The following FAM193A variants were observed in gnomAD, a reference collection of about 807,000 sequenced individuals.
FAM193A encodes the protein protein FAM193A.
FAM193A carries 22 observed loss-of-function variants against 126.5 expected under a neutral mutation model. The ratio of observed to expected loss-of-function variants is 0.17; its 90% CI spans 0.12 to 0.25. The LOEUF (loss-of-function observed/expected upper bound fraction) is 0.25. Among genes scored for constraint, FAM193A ranks in the 10% least tolerant of loss-of-function variants. The pLI is 1.00. For synonymous variants in FAM193A, 761 were observed against 646.8 expected (o/e 1.18, Z -2.68); for missense variants, 1,675 against 1,672.8 (o/e 1.00, Z -0.02).
intron 1 of FAM193A, among the ~76,000 whole-genome samples, chr4:2,578,444 T>G (rs1534455): frequency 0.67 from 101,735 of 151,442 alleles, 35,515 homozygotes; most frequent in African/African-American, 0.86. Context: ...GCAACCTTCT[T>G]GGTAGGTTTT....
At chr4:2,549,920 G>A (rs1163118309) in intron 1 of FAM193A, among the ~76,000 whole-genome samples, 3 of 150,058 alleles carry the variant, frequency 2.0e-5, no homozygotes, top group Admixed American at 6.7e-5. Flanking sequence ...GTAAAGATGG[G>A]ATTTCACCAT....
At chr4:2,546,738 A>G (rs1236359306) in intron 1 of FAM193A, among the ~76,000 whole-genome samples, 4 of 152,162 alleles carry the variant, frequency 2.6e-5, no homozygotes, top group South Asian at 2.1e-4. Flanking sequence ...ACATGTCTAT[A>G]CAGGATTTTT....
chr4:2,636,256 G>C (rs1744079097), intron 5 of FAM193A, among the ~76,000 whole-genome samples: 1 of 151,854 alleles, frequency 6.6e-6, no homozygotes, highest in African/African-American at 2.4e-5. Context: ...GTAGAGTCGG[G>C]GTTTCACTGT....
At position 2,594,820 on chromosome 4, in the gene FAM193A, C is replaced by CTTTTTTTTTTTTT. The variant is rs386399069; in HGVS notation, c.256-1250_256-1238dup. 1.3e-4 allele frequency among the ~76,000 whole-genome samples: 8 copies of CTTTTTTTTTTTTT among 62,230 alleles called. 2 individuals carry two copies. Among genetic ancestry groups the CTTTTTTTTTTTTT allele is most frequent in the African/African-American group, 5.5e-4 (7 of 12,708 alleles). The allele number at this position is 62,230 out of a possible 152,430, so 40.8% of individuals were successfully genotyped here. A position where few individuals can be genotyped will look rare whatever the true frequency, so the allele number is the denominator to read the frequency against. On this transcript the variant is annotated intron_variant, in intron 1 of 20. Transcript: ENST00000637812. ...GTTTCTTTCTTTTTCTTTTCTTTTC[C>CTTTTTTTTTTTTT]TTTTTTTTTTTTTTTTTTTTTTTTT...
At chr4:2,704,822 G>A (rs531147032) in intron 19 of FAM193A, among the ~76,000 whole-genome samples, 1 of 152,102 alleles carries the variant, frequency 6.6e-6, no homozygotes, top group South Asian at 2.1e-4. Context: ...TATTATTAAG[G>A]GCTATTTCTT....
rs138772110 is a variant in FAM193A, at chr4:2,724,469, G to A, written c.4455-7306G>A. Among the ~76,000 whole-genome samples the A allele has an allele frequency of 2.9e-3, 446 of 152,166 alleles. 4 individuals carry two copies. Among genetic ancestry groups the A allele is most frequent in the Non-Finnish European group, 5.4e-3 (367 of 68,008 alleles). The stretch of plus-strand genomic sequence containing the variant: ...CTGTTTTCCTGCTTATCTCTACTTT[G>A]AGTTACCATGTTAGTCAGAATTTTA... On this transcript the variant is annotated intron_variant, in intron 20 of 20. Transcript: ENST00000637812.
intron 20 of FAM193A, among the ~76,000 whole-genome samples, chr4:2,722,306 A>AG (rs1361303343): frequency 1.3e-5 from 2 of 152,072 alleles, no homozygotes; most frequent in African/African-American, 4.8e-5. Flanking sequence ...TGGTGTGGGG[A>AG]GGGACAAAGC....
At chr4:2,692,360 A>G (rs1302664082) in intron 15 of FAM193A, among the ~76,000 whole-genome samples, 2 of 152,200 alleles carry the variant, frequency 1.3e-5, no homozygotes, top group African/African-American at 4.8e-5. Context: ...AGTTGTTTCC[A>G]CTGGGTCCCT....
chr4:2,546,644 A>G lies in FAM193A; in HGVS notation c.255+9474A>G, dbSNP rs1737571540. On this transcript the variant is annotated intron_variant, in intron 1 of 20. Transcript: ENST00000637812. Reference sequence around the variant, plus strand: ...TGCTGTGTAGTATTCTGTTGTATAAATGTACCACAGTTTGTCCATTTTTCC... The same window carrying G: ...TGCTGTGTAGTATTCTGTTGTATAAGTGTACCACAGTTTGTCCATTTTTCC... Among the ~76,000 whole-genome samples the G allele has an allele frequency of 2.0e-5, 3 of 152,302 alleles. No individual in the cohort carries two copies. The East Asian group carries it at 5.8e-4, about 29-fold the overall frequency.
At chr4:2,540,215 A>G (rs1444405231) in intron 1 of FAM193A, among the ~76,000 whole-genome samples, 2 of 152,070 alleles carry the variant, frequency 1.3e-5, no homozygotes, top group African/African-American at 2.4e-5. Context: ...CACGCCTGTA[A>G]TCCCAGCACT....
chr4:2,660,240 C>T (rs571787198), intron 10 of FAM193A, among the ~76,000 whole-genome samples, 186 bp downstream of exon 10: 1 of 151,128 alleles, frequency 6.6e-6, no homozygotes, highest in African/African-American at 2.4e-5. Flanking sequence ...CACTGTTTAT[C>T]TGGGAAAAAA....
chr4:2,577,411 G>GGTTTTTTTTTGT (rs1739650763), intron 1 of FAM193A, among the ~76,000 whole-genome samples: 6 of 101,858 alleles, frequency 5.9e-5, no homozygotes, highest in Non-Finnish European at 1.3e-4. Flanking sequence ...AATTAAAGTG[G>GGTTTTTTTTTGT]TTTTTTTTTT....
chr4:2,555,804 A>C (rs1578587451), intron 1 of FAM193A, among the ~76,000 whole-genome samples: 1 of 151,764 alleles, frequency 6.6e-6, no homozygotes, highest in South Asian at 2.1e-4. Flanking sequence ...TTTTTAGTAG[A>C]GACGGGGTTT....
At chr4:2,570,556 A>G (rs950740797) in intron 1 of FAM193A, among the ~76,000 whole-genome samples, 5 of 152,222 alleles carry the variant, frequency 3.3e-5, no homozygotes, top group South Asian at 2.1e-4. Context: ...ATCTTTCGTT[A>G]TAGGACACAG....
chr4:2,711,066 A>G (rs966424571), intron 19 of FAM193A, among the ~76,000 whole-genome samples: 1 of 150,642 alleles, frequency 6.6e-6, no homozygotes, highest in African/African-American at 2.4e-5. Context: ...GTTAGCCAGG[A>G]TGGTCTCGAT....
intron 13 of FAM193A, among the ~76,000 whole-genome samples, chr4:2,677,281 C>T (rs1356193103): frequency 2.0e-5 from 3 of 152,084 alleles, no homozygotes; most frequent in African/African-American, 4.8e-5. Flanking sequence ...CAGTTTTGGG[C>T]TTTCTGTTCT....
intron 15 of FAM193A, among the ~76,000 whole-genome samples, chr4:2,693,024 G>C (rs1716581711): frequency 6.6e-6 from 1 of 151,972 alleles, no homozygotes; most frequent in African/African-American, 2.4e-5. Context: ...ACAACATAGT[G>C]AGACACTGTC....
intron 2 of FAM193A, among the ~76,000 whole-genome samples, chr4:2,611,640 T>G (rs1741881689): frequency 6.6e-6 from 1 of 152,096 alleles, no homozygotes; most frequent in African/African-American, 2.4e-5. Context: ...TTGTATCTCT[T>G]TGGAAAAGTG....
In FAM193A at chr4:2,648,879, G is replaced by A. The variant is rs61790230; in HGVS notation, c.1311+2047G>A. On this transcript the variant is annotated intron_variant, in intron 7 of 20. Coordinates refer to ENST00000637812, the MANE Select transcript of FAM193A (RefSeq NM_001366318.2). Reference sequence around the variant, plus strand: ...GTGGCCGTGCAGGAGGGCCAGTAGTGTGTCCAGGTCACCACTCCCTGGGAT... The same window carrying A: ...GTGGCCGTGCAGGAGGGCCAGTAGTATGTCCAGGTCACCACTCCCTGGGAT... 8.1e-3 allele frequency among the ~76,000 whole-genome samples: 1,229 copies of A among 152,328 alleles called. 8 individuals are homozygous for A. The highest frequency in any genetic ancestry group is 0.012 in the Non-Finnish European group (818 of 68,026).
Sources: allele counts gnomAD v4.1 joint callset (sites outside exome capture counted in the v4.1 genomes callset), GRCh38; gene constraint gnomAD v4.1.1; transcripts MANE v1.5; gene names NCBI Gene and HGNC (gene_info 2026-07-23, HGNC 2026-07-21).